The following SKAP2 variants were observed in gnomAD, a reference collection of about 807,000 sequenced individuals.
SKAP2 encodes src kinase associated phosphoprotein 2.
Under a neutral mutation model 54.9 loss-of-function variants are expected in SKAP2, and 28 were observed. That is an observed-to-expected ratio of 0.51 (90% CI 0.38 to 0.70). The LOEUF is 0.70. Ranked by LOEUF, SKAP2 falls within the 30% of genes least tolerant of loss-of-function variation. The probability of loss-of-function intolerance (pLI) is 0.00; values close to 1 mark genes in which losing one functional copy is unlikely to be tolerated. For missense variants in SKAP2, 356 were observed against 424.1 expected (o/e 0.84, Z 1.41); for synonymous variants, 137 against 134.3 (o/e 1.02, Z -0.14).
rs1786755549 is a variant in SKAP2, at chr7:26,690,351, C to T, written c.808G>A (p.Asp270Asn). Residue 270 changes from aspartate to asparagine, a missense_variant, in exon 10 of 13, where the codon GAC (aspartate) becomes AAC (asparagine). Transcript: ENST00000345317. The part of the protein sequence containing the change: ...IYEELPEEEE[D>N]SAPVKVEEQR... Reference sequence around the variant, plus strand: ...TCTTCCACTTTCACTGGAGCACTGTCCTCTTCTTCTTCTGTAAATAAACAT... The same window carrying T: ...TCTTCCACTTTCACTGGAGCACTGTTCTCTTCTTCTTCTGTAAATAAACAT... 6.2e-7 allele frequency: 1 copy of T among 1,609,172 alleles called. No individual in the cohort carries two copies. The highest frequency in any genetic ancestry group is 8.5e-7 in the Non-Finnish European group (1 of 1,175,716).
In SKAP2 at chr7:26,844,114, A is replaced by G; in HGVS notation, c.223T>C (p.Tyr75His). Residue 75 changes from tyrosine (Y) to histidine (H), a missense_variant, in exon 4 of 13, where the codon TAT becomes CAT. Tyr to His is a moderately conservative substitution (Grantham distance 83, BLOSUM62 2). Coordinates refer to ENST00000345317, the MANE Select transcript of SKAP2 (RefSeq NM_003930.5). ...GGAGGCCCAGCAAAAGGGTCATCAT[A>G]TTCTTCCCCATCTTCTGCATCACCT... is the stretch of plus-strand genomic sequence containing the variant. ...DKGDAEDGEEYDDPFAGPPDT... is the reference protein window; with the variant it reads ...DKGDAEDGEEHDDPFAGPPDT... 6.2e-7 allele frequency: 1 copy of G among 1,606,822 alleles called. No homozygotes were observed. The highest frequency in any genetic ancestry group is 8.5e-7 in the Non-Finnish European group (1 of 1,174,574).
intron 4 of SKAP2, among the ~76,000 whole-genome samples, chr7:26,835,845 A>T (rs1347544371): frequency 1.4e-4 from 22 of 152,248 alleles, no homozygotes; most frequent in Admixed American, 1.4e-3. Flanking sequence ...AAACTACTTT[A>T]AATTTCATAC....
chr7:26,790,781 A>G (rs754998671), intron 4 of SKAP2, among the ~76,000 whole-genome samples: 5 of 152,208 alleles, frequency 3.3e-5, no homozygotes, highest in Non-Finnish European at 7.3e-5. Context: ...CTCACTTTCA[A>G]AACAATGCTA....
rs933478529 is a variant in SKAP2, at chr7:26,812,312, C to T, written c.307+31718G>A. Among the ~76,000 whole-genome samples, 13 of 152,170 alleles carry T rather than the reference C, an allele frequency of 8.5e-5. No individual in the cohort carries two copies. The East Asian group carries it at 2.5e-3, about 29-fold the overall frequency. On this transcript the variant is annotated intron_variant, in intron 4 of 12. Coordinates refer to ENST00000345317, the MANE Select transcript of SKAP2 (RefSeq NM_003930.5). Reference sequence around the variant, plus strand: ...GGAAATGAGAGTATTTGCCCATATACACTTTATGTCTATGTTAATGTCTGC... The same window carrying T: ...GGAAATGAGAGTATTTGCCCATATATACTTTATGTCTATGTTAATGTCTGC...
At chr7:26,739,748 T>A in intron 5 of SKAP2, 139 bp downstream of exon 5, 1 of 611,592 alleles carries the variant, frequency 1.6e-6, no homozygotes, top group African/African-American at 1.9e-5. Context: ...GTGGTTTGGA[T>A]AATGTCATCC....
chr7:26,678,289 C>CA (rs1192807757), intron 11 of SKAP2, among the ~76,000 whole-genome samples: 4 of 151,920 alleles, frequency 2.6e-5, no homozygotes, highest in South Asian at 2.1e-4. Context: ...ATGGCAACAA[C>CA]AAAAAAACAG....
chr7:26,793,815 C>T lies in SKAP2; in HGVS notation c.307+50215G>A, dbSNP rs139420146. On this transcript the variant is annotated intron_variant, in intron 4 of 12. Coordinates refer to ENST00000345317, the MANE Select transcript of SKAP2 (RefSeq NM_003930.5). ...AAAAGCAGATGAATGAAATATAGAG[C>T]GATTACAAATGACTCAAGTTTTACA... Among the ~76,000 whole-genome samples the T allele has an allele frequency of 1.1e-4, 16 of 152,260 alleles. 1 individual carries two copies. The East Asian group carries it at 2.5e-3, about 24-fold the overall frequency.
intron 1 of SKAP2, among the ~76,000 whole-genome samples, chr7:26,856,647 C>T (rs1785169814): frequency 6.6e-6 from 1 of 152,122 alleles, no homozygotes. Context: ...AGATCACTGG[C>T]TCCCCTGAGA....
intron 9 of SKAP2, among the ~76,000 whole-genome samples, chr7:26,693,892 A>G (rs892606827): frequency 6.6e-6 from 1 of 152,144 alleles, no homozygotes; most frequent in Admixed American, 6.5e-5. Flanking sequence ...TTAGGCAGGG[A>G]AAAAAACCTC....
intron 4 of SKAP2, among the ~76,000 whole-genome samples, chr7:26,826,986 A>T (rs922090412): frequency 6.6e-6 from 1 of 152,224 alleles, no homozygotes; most frequent in African/African-American, 2.4e-5. Context: ...TTAGGGGATT[A>T]TAACATACAT....
At chr7:26,710,767 C>T (rs1225698885) in intron 9 of SKAP2, among the ~76,000 whole-genome samples, 1 of 152,116 alleles carries the variant, frequency 6.6e-6, no homozygotes, top group Non-Finnish European at 1.5e-5. Flanking sequence ...ACTTAAGAAA[C>T]TTCTGAAGTC....
chr7:26,680,826 C>T (rs188969916), intron 11 of SKAP2, among the ~76,000 whole-genome samples: 1 of 151,916 alleles, frequency 6.6e-6, no homozygotes, highest in Admixed American at 6.6e-5. Context: ...CCAGGGGTCA[C>T]ATGATAGCTG....
intron 4 of SKAP2, among the ~76,000 whole-genome samples, chr7:26,814,095 C>G (rs1217845721): frequency 6.6e-6 from 1 of 151,992 alleles, no homozygotes; most frequent in Non-Finnish European, 1.5e-5. Flanking sequence ...TAAAACTAAT[C>G]ATGATTTACT....
At chr7:26,739,286 A>G (rs904137836) in intron 5 of SKAP2, among the ~76,000 whole-genome samples, 1 of 152,254 alleles carries the variant, frequency 6.6e-6, no homozygotes, top group African/African-American at 2.4e-5. Flanking sequence ...AAAATGAAAT[A>G]TAAATAGAAA....
At chr7:26,845,711 C>A (rs528492044) in intron 3 of SKAP2, among the ~76,000 whole-genome samples, 2 of 152,124 alleles carry the variant, frequency 1.3e-5, no homozygotes, top group Non-Finnish European at 2.9e-5. Flanking sequence ...GCCAGAAGAT[C>A]GCTTGTGGCC....
intron 4 of SKAP2, among the ~76,000 whole-genome samples, chr7:26,841,721 G>C (rs1024822984): frequency 2.6e-5 from 4 of 152,042 alleles, no homozygotes; most frequent in Non-Finnish European, 5.9e-5. Context: ...AATGCACATA[G>C]AGATGTGCAG....
At chr7:26,809,636 G>T (rs906602644) in intron 4 of SKAP2, among the ~76,000 whole-genome samples, 1 of 152,162 alleles carries the variant, frequency 6.6e-6, no homozygotes, top group South Asian at 2.1e-4. Flanking sequence ...GAAATGGAAA[G>T]CCTTGTATAC....
intron 4 of SKAP2, among the ~76,000 whole-genome samples, chr7:26,788,643 A>T (rs915654080): frequency 6.6e-6 from 1 of 152,224 alleles, no homozygotes; most frequent in Non-Finnish European, 1.5e-5. Flanking sequence ...ATCAGGTAAG[A>T]AAGCTGACTT....
chr7:26,774,766 T>C (rs1425926569), intron 4 of SKAP2, among the ~76,000 whole-genome samples: 1 of 152,172 alleles, frequency 6.6e-6, no homozygotes, highest in Non-Finnish European at 1.5e-5. Flanking sequence ...AAATTCTAGG[T>C]CAGAGAGATG....
Sources: gnomAD v4.1 joint callset for allele counts (sites outside exome capture counted in the v4.1 genomes callset) on GRCh38, gnomAD v4.1.1 for gene constraint, MANE v1.5 for transcripts, NCBI Gene and HGNC (gene_info 2026-07-23, HGNC 2026-07-21) for gene names.